ACADVL: variants seen among roughly 807,000 people sequenced by gnomAD.
ACADVL encodes acyl-CoA dehydrogenase very long chain, also known as very long-chain acyl-CoA dehydrogenase, mitochondrial.
ACADVL carries 73 observed loss-of-function variants against 80.4 expected under a neutral mutation model. That is an observed-to-expected ratio of 0.91 (90% CI 0.75 to 1.10). The LOEUF is 1.10. Among genes scored for constraint, ACADVL ranks in the 50% least tolerant of loss-of-function variants. ACADVL has a pLI of 0.00. For synonymous variants in ACADVL, 392 were observed against 326.5 expected, an observed-to-expected ratio of 1.20 and a Z score of -2.16; for missense variants, 878 against 858.9, an observed-to-expected ratio of 1.02 and a Z score of -0.28.
At chr17:7,222,469 C>T in intron 9 of ACADVL, 167 bp downstream of exon 9, 1 of 1,240,020 alleles carries the variant, frequency 8.1e-7, no homozygotes, top group Non-Finnish European at 1.1e-6. Flanking sequence ...GTTTTGGCTC[C>T]AGCAACCAAG....
At position 7,224,175 on chromosome 17, in the gene ACADVL, C is replaced by G. The variant is rs1361329035; in HGVS notation, c.1464C>G (p.Gly488=). ...MDKGKELSGL[G]SALKNPFGNA... is the part of the protein sequence containing the mutation. ...AAGGAAAGGAGCTCTCTGGGCTTGG[C>G]AGTGCTCTAAAGAATCCCTTTGGGA... The change falls in exon 15 of 20, where the codon GGC becomes GGG. Residue 488 remains glycine (G), a synonymous_variant. Coordinates refer to ENST00000356839, the MANE Select transcript of ACADVL (RefSeq NM_000018.4). The G allele has an allele frequency of 6.2e-7, 1 of 1,613,984 alleles. No homozygotes were observed. Among genetic ancestry groups the G allele is most frequent in the African/African-American group, 1.3e-5 (1 of 74,882 alleles).
At position 7,222,793 on chromosome 17, in the gene ACADVL, C is replaced by A. The variant is rs753624994; in HGVS notation, c.1005C>A (p.His335Gln). The change falls in exon 10 of 20, where the codon CAC becomes CAA. Residue 335 changes from histidine (H) to glutamine (Q), a missense_variant. Physicochemically the swap from His to Gln is conservative, Grantham distance 24. Coordinates refer to ENST00000356839, the MANE Select transcript of ACADVL (RefSeq NM_000018.4). Reference protein sequence around the residue: ...EVGSGFKVAMHILNNGRFGMA... With the variant: ...EVGSGFKVAMQILNNGRFGMA... The stretch of plus-strand genomic sequence containing the variant: ...GGAGTGGCTTCAAGGTTGCCATGCA[C>A]ATCCTCAACAATGGAAGGTTTGGCA... 220 of 1,613,884 alleles carry A rather than the reference C, an allele frequency of 1.4e-4. No individual in the cohort carries two copies. Among genetic ancestry groups the A allele is most frequent in the Non-Finnish European group, 1.8e-4 (208 of 1,180,038 alleles).
At position 7,219,947 on chromosome 17, in the gene ACADVL, T is replaced by C. The variant is rs1252717599; in HGVS notation, c.-38T>C. On this transcript the variant is annotated 5_prime_UTR_variant, in exon 1 of 20. Coordinates refer to ENST00000356839, the MANE Select transcript of ACADVL (RefSeq NM_000018.4). ...GGGCGTGCAGGACGCCAGAGCTGGG[T>C]CAGAGCTCGAGCCAGCGGCGCCCGG... 1 of 870,126 alleles carries C rather than the reference T, an allele frequency of 1.1e-6. No individual in the cohort carries two copies. Among genetic ancestry groups the C allele is most frequent in the African/African-American group, 1.8e-5 (1 of 55,698 alleles). The allele number at this position is 870,126 out of a possible 1,614,324, so 53.9% of individuals were successfully genotyped here. A position where few individuals can be genotyped will look rare whatever the true frequency, so the allele number is the denominator to read the frequency against.
rs1241714424 is a variant in ACADVL at position 7,224,890 on chromosome 17, A to G, written c.1827+6A>G. 1 of 1,613,738 alleles carries G rather than the reference A, an allele frequency of 6.2e-7. No individual in the cohort carries two copies. Among genetic ancestry groups the G allele is most frequent in the Non-Finnish European group, 8.5e-7 (1 of 1,180,006 alleles). ...GTGACACCTGGTGTATCGAGGTGAG[A>G]CTCGGGGCTGCCAAGCTCAGGTGAG... is the stretch of plus-strand genomic sequence containing the variant. On this transcript the variant is annotated splice_donor_region_variant and intron_variant, in intron 19 of 19. Coordinates refer to ENST00000356839, the MANE Select transcript of ACADVL (RefSeq NM_000018.4).
At chr17:7,223,939 G>T in intron 13 of ACADVL, 29 bp from the exon 14 acceptor site, 1 of 1,613,772 alleles carries the variant, frequency 6.2e-7, no homozygotes, top group East Asian at 2.2e-5. Context: ...TCTCAGCACG[G>T]GCATATAATT....
In ACADVL at chr17:7,221,599, C is replaced by T. The variant is rs1348732355; in HGVS notation, c.539C>T (p.Ala180Val). ...CTTGGCGTGGGCATTACCCTGGGGG[C>T]CCATCAGAGCATCGGTTTCAAAGGC... The part of the protein sequence containing the change: ...HDLGVGITLG[A>V]HQSIGFKGIL... Residue 180 changes from alanine (A) to valine (V), a missense_variant, in exon 7 of 20, where the codon GCC becomes GTC. Transcript: ENST00000356839. The T allele has an allele frequency of 6.2e-7, 1 of 1,614,082 alleles. No individual in the cohort carries two copies.
intron 6 of ACADVL, 177 bp downstream of exon 6, chr17:7,221,235 C>A (rs1363384634): frequency 2.6e-6 from 3 of 1,159,064 alleles, no homozygotes; most frequent in Non-Finnish European, 3.7e-6. Context: ...GTCCCCTAGG[C>A]CTGAGCCATG....
In ACADVL at chr17:7,224,490, C is replaced by A. The variant is rs781613690; in HGVS notation, c.1616C>A (p.Ala539Asp). 33 of 1,613,806 alleles carry A rather than the reference C, an allele frequency of 2.0e-5. No individual in the cohort carries two copies. Among genetic ancestry groups the A allele is most frequent in the Non-Finnish European group, 2.7e-5 (32 of 1,180,004 alleles). The part of the protein sequence containing the change: ...LSRSGELAVR[A>D]LEQFATVVEA... ...TCCCCATCTCTTAAGGCAGTACGGG[C>A]TCTGGAGCAGTTTGCCACTGTGGTG... The change falls in exon 17 of 20, where the codon GCT becomes GAT. Residue 539 changes from alanine (A) to aspartate (D), a missense_variant. Physicochemically the swap from Ala to Asp is moderately radical, Grantham distance 126. Coordinates refer to ENST00000356839, the MANE Select transcript of ACADVL (RefSeq NM_000018.4).
chr17:7,221,881 G>GA, intron 7 of ACADVL, 71 bp from the exon 8 acceptor site: 2 of 1,611,956 alleles, frequency 1.2e-6, no homozygotes, highest in Non-Finnish European at 1.7e-6. Flanking sequence ...CTGCTGGAGG[G>GA]ATGGGGAAGT....
chr17:7,223,273 G>A, intron 11 of ACADVL, 36 bp downstream of exon 11: 6 of 1,576,156 alleles, frequency 3.8e-6, no homozygotes, highest in Non-Finnish European at 5.2e-6. Context: ...CTGGAGCCCT[G>A]GGGCTTTCTT....
Position 7,224,871 on chromosome 17 carries a change from C to T in ACADVL, c.1814C>T (p.Thr605Ile). Reference protein sequence around the residue: ...TAQHEKMLCDTWCIEAAARIR... With the variant: ...TAQHEKMLCDIWCIEAAARIR... ...CAGCATGAGAAAATGCTCTGTGACA[C>T]CTGGTGTATCGAGGTGAGACTCGGG... Residue 605 changes from threonine to isoleucine, a missense_variant, in exon 19 of 20, where the codon ACC becomes ATC. Thr to Ile is a moderately conservative substitution (Grantham distance 89). Coordinates refer to ENST00000356839, the MANE Select transcript of ACADVL (RefSeq NM_000018.4). 1 of 1,614,110 alleles carries T rather than the reference C, an allele frequency of 6.2e-7. No individual in the cohort carries two copies.
intron 11 of ACADVL, 61 bp from the exon 12 acceptor site, chr17:7,223,583 G>C: frequency 6.3e-7 from 1 of 1,579,458 alleles, no homozygotes; most frequent in Non-Finnish European, 8.7e-7. Context: ...TGGGTGATGA[G>C]GCCAAGTCTG....
rs1371164108 is a variant in ACADVL, at chr17:7,224,410, C to T, written c.1605+17C>T. 3.1e-6 allele frequency: 5 copies of T among 1,613,784 alleles called. No individual in the cohort carries two copies. The highest frequency in any genetic ancestry group is 3.4e-6 in the Non-Finnish European group (4 of 1,179,918). On this transcript the variant is annotated intron_variant, in intron 16 of 19. Coordinates refer to ENST00000356839, the MANE Select transcript of ACADVL (RefSeq NM_000018.4). The stretch of plus-strand genomic sequence containing the variant: ...GGCGAGCTGGTAAGTGGCCAGGGGT[C>T]CAGGAGAGCCTGCATCAGGGACTGC...
intron 2 of ACADVL, 55 bp downstream of exon 2, chr17:7,220,252 C>T: frequency 6.6e-7 from 1 of 1,510,566 alleles, no homozygotes; most frequent in Non-Finnish European, 8.8e-7. Flanking sequence ...CGCTTCGGCG[C>T]CCGCCATCGG....
rs35999860 is a variant in ACADVL, at chr17:7,221,420, CACTGCCCTAGGTCAGGA to C, written c.478-92_478-76del. ...CACACTGGGGATGGCCCAGGTCAGG[CACTGCCCTAGGTCAGGA>C]ACTGCCCTAGGTCAGGAACTGCCCT... On this transcript the variant is annotated intron_variant, in intron 6 of 19. Coordinates refer to ENST00000356839, the MANE Select transcript of ACADVL (RefSeq NM_000018.4). The C allele has an allele frequency of 0.12, 122,399 of 983,442 alleles. 13,168 individuals carry two copies. The highest frequency in any genetic ancestry group is 0.6 in the African/African-American group (36,715 of 60,722). The allele number at this position is 983,442 out of a possible 1,614,324, so 60.9% of individuals were successfully genotyped here.
chr17:7,222,923 G>A, intron 10 of ACADVL, 58 bp downstream of exon 10: 1 of 1,590,528 alleles, frequency 6.3e-7, no homozygotes, highest in Non-Finnish European at 8.6e-7. Flanking sequence ...TGTCCCCCTT[G>A]CCATGTGTCC....
At chr17:7,221,358 C>A in intron 6 of ACADVL, 180 bp from the exon 7 acceptor site, 1 of 1,136,618 alleles carries the variant, frequency 8.8e-7, no homozygotes, top group Non-Finnish European at 1.3e-6. Context: ...GACCAGCATT[C>A]TCTGCTGTGC....
chr17:7,221,507 T>G (rs771298422), intron 6 of ACADVL, 31 bp from the exon 7 acceptor site: 1 of 1,611,446 alleles, frequency 6.2e-7, no homozygotes, highest in East Asian at 2.2e-5. Context: ...CTGCAGCCAG[T>G]GACAACCCCA....
Position 7,222,724 on chromosome 17 carries a change from T to G in ACADVL, c.936T>G (p.Phe312Leu). The change falls in exon 10 of 20, where the codon TTT becomes TTG. Residue 312 changes from phenylalanine (F) to leucine (L), a missense_variant. Physicochemically the swap from Phe to Leu is conservative, Grantham distance 22 (BLOSUM62 0). Coordinates refer to ENST00000356839, the MANE Select transcript of ACADVL (RefSeq NM_000018.4). Reference protein sequence around the residue: ...IKASNTAEVFFDGVRVPSENV... With the variant: ...IKASNTAEVFLDGVRVPSENV... ...CTTCAAACACAGCAGAGGTGTTCTT[T>G]GATGGAGTACGGGTGCCATCGGAGA... is the stretch of plus-strand genomic sequence containing the variant. The G allele has an allele frequency of 6.2e-7, 1 of 1,614,130 alleles. No homozygotes were observed. Among genetic ancestry groups the G allele is most frequent in the Non-Finnish European group, 8.5e-7 (1 of 1,180,014 alleles).
Sources: allele counts gnomAD v4.1 joint callset, GRCh38; gene constraint gnomAD v4.1.1; transcripts MANE v1.5; gene names NCBI Gene and HGNC (gene_info 2026-07-23, HGNC 2026-07-21).